Variants in TPTE observed in about 807,000 individuals in gnomAD.
TPTE encodes putative tyrosine-protein phosphatase TPTE.
TPTE carries 59 observed loss-of-function variants against 84.1 expected under a neutral mutation model. The observed-to-expected ratio is 0.70, with a 90% CI of 0.57 to 0.87. The LOEUF (loss-of-function observed/expected upper bound fraction) is 0.87. Among genes scored for constraint, TPTE ranks in the 40% least tolerant of loss-of-function variants. TPTE has a pLI of 0.00. For synonymous variants in TPTE, 130 were observed against 223.5 expected (o/e 0.58, Z 3.73); for missense variants, 382 against 659.6 (o/e 0.58, Z 4.61).
intron 14 of TPTE, among the ~76,000 whole-genome samples, chr21:10,576,858 T>A (rs865792209): frequency 9.7e-6 from 1 of 102,660 alleles, no homozygotes; most frequent in Admixed American, 8.8e-5. Context: ...TATATATATA[T>A]ATATATATAT....
intron 4 of TPTE, 151 bp from the exon 5 acceptor site, chr21:10,540,961 A>T: frequency 8.0e-7 from 1 of 1,245,040 alleles, no homozygotes; most frequent in African/African-American, 1.5e-5. Context: ...TAATAAAAAG[A>T]CAAATGCCAT....
rs1383087432 is a variant in TPTE, at chr21:10,598,011, A to AC, written c.1277-3dup. 9.9e-6 allele frequency: 16 copies of AC among 1,613,200 alleles called. No individual in the cohort carries two copies. Among genetic ancestry groups the AC allele is most frequent in the Admixed American group, 1.7e-5 (1 of 59,966 alleles). On this transcript the variant is annotated splice_polypyrimidine_tract_variant and splice_region_variant and intron_variant, in intron 20 of 23. Transcript: ENST00000618007. ...AACTTTTTAATTTCATTTTGTTGGA[A>AC]CAGGTTATGTACGTGATCTAAAAAT...
At chr21:10,602,362 C>T (rs1978653470) in intron 22 of TPTE, among the ~76,000 whole-genome samples, 1 of 152,186 alleles carries the variant, frequency 6.6e-6, no homozygotes, top group Non-Finnish European at 1.5e-5. Flanking sequence ...CTAAATTTTT[C>T]TAAATTTACA....
At chr21:10,537,531 A>T (rs2074287402) in intron 3 of TPTE, among the ~76,000 whole-genome samples, 1 of 152,306 alleles carries the variant, frequency 6.6e-6, no homozygotes, top group Non-Finnish European at 1.5e-5. Context: ...ACAAAAAATT[A>T]GCCGGGTGTG....
At chr21:10,541,700 TG>T (rs1234848677) in intron 5 of TPTE, among the ~76,000 whole-genome samples, 18 of 152,426 alleles carry the variant, frequency 1.2e-4, no homozygotes, top group Admixed American at 1.1e-3. Flanking sequence ...GTTACTGTCT[TG>T]TCACCCTTAG....
intron 7 of TPTE, among the ~76,000 whole-genome samples, chr21:10,547,569 A>G (rs1600880959): frequency 6.6e-6 from 1 of 152,312 alleles, no homozygotes; most frequent in African/African-American, 2.4e-5. Flanking sequence ...GTCCTGGACT[A>G]GGAGTACAAG....
At chr21:10,597,612 A>G (rs1368955698) in intron 20 of TPTE, among the ~76,000 whole-genome samples, 4 of 152,310 alleles carry the variant, frequency 2.6e-5, no homozygotes, top group African/African-American at 9.6e-5. Context: ...ATGGGGTTTC[A>G]CCATCTAGGC....
chr21:10,525,401 G>A (rs567828086), intron 2 of TPTE, among the ~76,000 whole-genome samples: 245 of 152,324 alleles, frequency 1.6e-3, no homozygotes, highest in Middle Eastern at 6.8e-3. Flanking sequence ...CTCCAGGAAC[G>A]TTTAGGAAGA....
chr21:10,577,108 TAAG>T (rs2075171279), intron 14 of TPTE, among the ~76,000 whole-genome samples: 1 of 152,260 alleles, frequency 6.6e-6, no homozygotes, highest in Non-Finnish European at 1.5e-5. Flanking sequence ...CAGAATTAAA[TAAG>T]AACGAATATG....
At chr21:10,604,677 G>C (rs1222126681) in intron 23 of TPTE, among the ~76,000 whole-genome samples, 1 of 152,308 alleles carries the variant, frequency 6.6e-6, no homozygotes, top group Non-Finnish European at 1.5e-5. Flanking sequence ...CCCTCAAAAA[G>C]TGAGACCTGG....
chr21:10,537,231 A>C (rs1181933229), intron 3 of TPTE, among the ~76,000 whole-genome samples: 5 of 152,310 alleles, frequency 3.3e-5, no homozygotes, highest in Non-Finnish European at 7.3e-5. Context: ...TAAAGAACTA[A>C]ACATCGCTTG....
chr21:10,555,276 A>T (rs1421972082), intron 8 of TPTE, among the ~76,000 whole-genome samples: 1 of 152,280 alleles, frequency 6.6e-6, no homozygotes, highest in Non-Finnish European at 1.5e-5. Flanking sequence ...GGCTCCACTC[A>T]GCTCACTGCA....
chr21:10,546,403 AAAGT>A (rs1274146746), intron 7 of TPTE, among the ~76,000 whole-genome samples: 4 of 152,308 alleles, frequency 2.6e-5, no homozygotes, highest in African/African-American at 9.6e-5. Context: ...AACAATATTG[AAAGT>A]AAGCCATTTA....
At chr21:10,537,932 G>A (rs1189960036) in intron 3 of TPTE, among the ~76,000 whole-genome samples, 3 of 152,306 alleles carry the variant, frequency 2.0e-5, no homozygotes, top group African/African-American at 7.2e-5. Flanking sequence ...ATATGAAGGT[G>A]ACTTTATGTC....
chr21:10,552,940 A>G (rs1368543549), intron 8 of TPTE, among the ~76,000 whole-genome samples: 3 of 152,310 alleles, frequency 2.0e-5, no homozygotes, highest in Non-Finnish European at 4.4e-5. Flanking sequence ...TTCTAGCTTG[A>G]AAATGTAAAA....
At chr21:10,530,535 G>T (rs1270732119) in intron 3 of TPTE, among the ~76,000 whole-genome samples, 1 of 152,308 alleles carries the variant, frequency 6.6e-6, no homozygotes, top group Non-Finnish European at 1.5e-5. Flanking sequence ...CTTTTAACTG[G>T]TATGAAAAAT....
intron 17 of TPTE, among the ~76,000 whole-genome samples, chr21:10,584,539 A>C (rs1162260340): frequency 6.6e-6 from 1 of 152,302 alleles, no homozygotes; most frequent in Non-Finnish European, 1.5e-5. Context: ...GGGTTTCGCT[A>C]TGTTGCCCAG....
In TPTE at chr21:10,544,635, C is replaced by G. The variant is rs2074432272; in HGVS notation, c.173+1253C>G. Among the ~76,000 whole-genome samples, 3 of 152,308 alleles carry G rather than the reference C, an allele frequency of 2.0e-5. No individual in the cohort carries two copies. The South Asian group carries it at 6.2e-4, about 31-fold the overall frequency. On this transcript the variant is annotated intron_variant, in intron 7 of 23. Coordinates refer to ENST00000618007, the MANE Select transcript of TPTE (RefSeq NM_199261.4). ...TCCTGCCCTCGTGATCCACCCGCCTCAGCCTCCCAAACTGCTGGGTTTACG... is the reference window on the plus strand; with the variant it reads ...TCCTGCCCTCGTGATCCACCCGCCTGAGCCTCCCAAACTGCTGGGTTTACG...
chr21:10,526,793 T>C (rs1436624579), intron 2 of TPTE, among the ~76,000 whole-genome samples: 1 of 152,308 alleles, frequency 6.6e-6, no homozygotes, highest in Non-Finnish European at 1.5e-5. Context: ...CAGCATGGTT[T>C]TATGAAGTTG....
Sources: allele counts gnomAD v4.1 joint callset (sites outside exome capture counted in the v4.1 genomes callset), GRCh38; gene constraint gnomAD v4.1.1; transcripts MANE v1.5; gene names NCBI Gene and HGNC (gene_info 2026-07-23, HGNC 2026-07-21).